The following SNX14 variants were observed in gnomAD, a reference collection of about 807,000 sequenced individuals.
SNX14 encodes sorting nexin-14.
In SNX14, 93 loss-of-function variants were observed where a neutral mutation model predicts 133.8. That is an observed-to-expected ratio of 0.70 (90% CI 0.59 to 0.83). SNX14 has a LOEUF of 0.83. Ranked by LOEUF, SNX14 falls within the 40% of genes least tolerant of loss-of-function variation. The pLI, the probability that SNX14 is intolerant of heterozygous loss-of-function variation, is 0.00. For missense variants in SNX14, 945 were observed against 1,094.9 expected (o/e 0.86, Z 1.93); for synonymous variants, 368 against 365.6 (o/e 1.01, Z -0.07).
chr6:85,558,545 T>C (rs912537653), intron 6 of SNX14, among the ~76,000 whole-genome samples: 3 of 152,180 alleles, frequency 2.0e-5, no homozygotes, highest in African/African-American at 7.2e-5. Context: ...CACTGCAGTC[T>C]CAGTCTCCCG....
At chr6:85,515,262 C>CAAAAAAA (rs751549621) in intron 23 of SNX14, among the ~76,000 whole-genome samples, 1 of 22,766 alleles carries the variant, frequency 4.4e-5, no homozygotes, top group Admixed American at 5.6e-4. Flanking sequence ...GCAAGACCGT[C>CAAAAAAA]AAAAAAAAAA....
intron 23 of SNX14, 67 bp from the exon 24 acceptor site, chr6:85,514,696 G>A (rs1160293074): frequency 6.7e-7 from 1 of 1,493,596 alleles, no homozygotes; most frequent in Non-Finnish European, 9.2e-7. Context: ...TAATCAATAA[G>A]GATTAAGTGT....
At chr6:85,593,527 G>A (rs898121478) in intron 1 of SNX14, 52 bp downstream of exon 1, 1 of 1,567,226 alleles carries the variant, frequency 6.4e-7, no homozygotes, top group East Asian at 2.3e-5. Flanking sequence ...CGGGCCGGGC[G>A]TCTGCACCTT....
At chr6:85,593,012 T>C (rs1803381129) in intron 1 of SNX14, among the ~76,000 whole-genome samples, 1 of 152,176 alleles carries the variant, frequency 6.6e-6, no homozygotes, top group South Asian at 2.1e-4. Flanking sequence ...AGACTCCGTC[T>C]CAAAAATAAA....
At chr6:85,551,689 C>G (rs997794233) in intron 7 of SNX14, among the ~76,000 whole-genome samples, 1 of 152,216 alleles carries the variant, frequency 6.6e-6, no homozygotes, top group Non-Finnish European at 1.5e-5. Flanking sequence ...AACAAAGTCT[C>G]TTTACTCTCA....
intron 22 of SNX14, 53 bp from the exon 23 acceptor site, chr6:85,517,928 C>A: frequency 1.3e-6 from 2 of 1,577,094 alleles, no homozygotes; most frequent in Non-Finnish European, 1.7e-6. Flanking sequence ...ATTTTTAGTA[C>A]ATAATCCAGC....
intron 1 of SNX14, among the ~76,000 whole-genome samples, chr6:85,588,567 C>T (rs1182219609): frequency 1.0e-5 from 1 of 98,926 alleles, no homozygotes; most frequent in Non-Finnish European, 2.1e-5. Flanking sequence ...AAGAGCGAGA[C>T]TCCGTCTCTA....
intron 6 of SNX14, among the ~76,000 whole-genome samples, chr6:85,563,373 T>C (rs1016902715): frequency 2.0e-5 from 3 of 152,136 alleles, no homozygotes; most frequent in African/African-American, 4.8e-5. Flanking sequence ...ATGCACAAAA[T>C]ACAGCTCGAG....
intron 18 of SNX14, 23 bp downstream of exon 18, chr6:85,533,576 A>C: frequency 5.0e-6 from 8 of 1,604,590 alleles, no homozygotes; most frequent in Non-Finnish European, 6.8e-6. Context: ...TCTTTTAAGA[A>C]AGGTGCTCAG....
chr6:85,507,140 G>C (rs1294323431), intron 28 of SNX14, 93 bp downstream of exon 28: 1 of 1,155,076 alleles, frequency 8.7e-7, no homozygotes, highest in Admixed American at 2.1e-5. Flanking sequence ...AGAGAACAGA[G>C]ACAAGGGTTT....
chr6:85,550,805 CAG>C (rs1432239806), intron 7 of SNX14, among the ~76,000 whole-genome samples: 2 of 150,236 alleles, frequency 1.3e-5, no homozygotes, highest in African/African-American at 2.5e-5. Context: ...TTTTTTGAGG[CAG>C]AGTTTCTCTC....
chr6:85,561,656 GA>G (rs1791645664), intron 6 of SNX14, among the ~76,000 whole-genome samples: 1 of 151,634 alleles, frequency 6.6e-6, no homozygotes, highest in African/African-American at 2.4e-5. Flanking sequence ...AAGTGCATGG[GA>G]AAAAAAATCA....
intron 17 of SNX14, among the ~76,000 whole-genome samples, chr6:85,535,863 C>T (rs866028890): frequency 6.6e-5 from 10 of 152,112 alleles, no homozygotes; most frequent in Middle Eastern, 6.8e-3. Flanking sequence ...TACTAAACAC[C>T]CCTTTTATAC....
intron 1 of SNX14, among the ~76,000 whole-genome samples, chr6:85,577,050 A>G (rs1195109182): frequency 6.6e-6 from 1 of 152,160 alleles, no homozygotes; most frequent in African/African-American, 2.4e-5. Context: ...AGACTTAGAG[A>G]TCTTAAAAAG....
intron 1 of SNX14, among the ~76,000 whole-genome samples, chr6:85,577,744 A>T (rs936265438): frequency 1.3e-5 from 2 of 152,242 alleles, no homozygotes; most frequent in African/African-American, 4.8e-5. Flanking sequence ...AGAATTGGAA[A>T]GAAAACCAAG....
intron 21 of SNX14, among the ~76,000 whole-genome samples, chr6:85,520,218 T>C (rs974005814): frequency 6.6e-6 from 1 of 150,618 alleles, no homozygotes; most frequent in Non-Finnish European, 1.5e-5. Context: ...AATTTTTGTA[T>C]TTTTAGTAGA....
At chr6:85,549,966 G>A in intron 7 of SNX14, 87 bp from the exon 8 acceptor site, 2 of 1,204,422 alleles carry the variant, frequency 1.7e-6, no homozygotes, top group Non-Finnish European at 2.3e-6. Context: ...AAGAGCATGG[G>A]CTGGGCGTGG....
intron 7 of SNX14, among the ~76,000 whole-genome samples, chr6:85,551,125 T>G (rs1405676010): frequency 6.6e-6 from 1 of 152,062 alleles, no homozygotes; most frequent in Non-Finnish European, 1.5e-5. Context: ...AAGTAACCTT[T>G]TAAAGCACGT....
rs1796655411 is a variant in SNX14, at chr6:85,574,379, CT to C, written c.141-2del. On this transcript the variant is annotated splice_acceptor_variant, in intron 1 of 28. Coordinates refer to ENST00000314673, the MANE Select transcript of SNX14 (RefSeq NM_153816.6). LOFTEE classifies it high-confidence loss of function. Reference sequence around the variant, plus strand: ...GAAGATCATTAAAATATGAATATACCTTAAAAATAAATGAAAATAATTATTA... The same window carrying C: ...GAAGATCATTAAAATATGAATATACCTAAAAATAAATGAAAATAATTATTA... The C allele has an allele frequency of 1.3e-6, 2 of 1,519,636 alleles. No homozygotes were observed. The highest frequency in any genetic ancestry group is 1.8e-6 in the Non-Finnish European group (2 of 1,118,994). The allele number at this position is 1,519,636 out of a possible 1,614,324, so 94.1% of individuals were successfully genotyped here.
Sources: gnomAD v4.1 joint callset for allele counts (sites outside exome capture counted in the v4.1 genomes callset) on GRCh38, gnomAD v4.1.1 for gene constraint, MANE v1.5 for transcripts, NCBI Gene and HGNC (gene_info 2026-07-23, HGNC 2026-07-21) for gene names.